Variants in NFIA observed in about 807,000 individuals in gnomAD.
NFIA encodes nuclear factor 1 A-type.
A neutral mutation model predicts 62.8 loss-of-function variants in NFIA; 8 were observed. The ratio of observed to expected loss-of-function variants is 0.13; its 90% CI spans 0.07 to 0.23. The LOEUF (loss-of-function observed/expected upper bound fraction) is 0.23, where lower values mean the gene tolerates loss of function less well. NFIA is among the 10% of genes least tolerant of loss of function. The pLI is 1.00. For missense variants in NFIA, 410 were observed against 642.1 expected, an observed-to-expected ratio of 0.64 and a Z score of 3.91; for synonymous variants, 235 against 238.1, an observed-to-expected ratio of 0.99 and a Z score of 0.12.
At chr1:61,225,060 G>A (rs1654242948) in intron 2 of NFIA, among the ~76,000 whole-genome samples, 4 of 151,828 alleles carry the variant, frequency 2.6e-5, no homozygotes, top group Non-Finnish European at 4.4e-5. Flanking sequence ...TCATGACATA[G>A]GAATCTATTG....
chr1:61,309,672 C>T (rs1659990387), intron 3 of NFIA, among the ~76,000 whole-genome samples: 1 of 152,110 alleles, frequency 6.6e-6, no homozygotes, highest in Non-Finnish European at 1.5e-5. Flanking sequence ...GGGTGGATCA[C>T]GAGGTCAGAA....
Position 61,462,010 on chromosome 1 carries a change from G to T in NFIA, c.*6690G>T, listed in dbSNP as rs1668549531. On this transcript the variant is annotated 3_prime_UTR_variant, in exon 11 of 11. Transcript: ENST00000403491. ...TTTATTTTTTGATAATAGTCTGTAA[G>T]TTAGCCTTTTTGGGTTTTTTTTTTT... 3.6e-5 allele frequency: 4 copies of T among 110,028 alleles called. No homozygotes were observed. Among genetic ancestry groups the T allele is most frequent in the African/African-American group, 7.5e-5 (2 of 26,710 alleles). 6.8% of individuals were successfully genotyped at this position (110,028 alleles called of 1,614,324 possible).
intron 10 of NFIA, among the ~76,000 whole-genome samples, chr1:61,439,807 A>G (rs1557440571): frequency 6.6e-6 from 1 of 152,244 alleles, no homozygotes; most frequent in Non-Finnish European, 1.5e-5. Context: ...CAAGTGAAAA[A>G]TAGACTTAGT....
chr1:61,392,923 G>A (rs56082016), intron 7 of NFIA, among the ~76,000 whole-genome samples: 2,597 of 152,144 alleles, frequency 0.017, 71 homozygotes, highest in African/African-American at 0.06. Context: ...TCAGTCACAC[G>A]CAGGCCTATG....
chr1:61,195,686 T>A (rs1651941563), intron 2 of NFIA, among the ~76,000 whole-genome samples: 1 of 152,328 alleles, frequency 6.6e-6, no homozygotes, highest in Admixed American at 6.5e-5. Context: ...GGGATACTTA[T>A]TTTTTGTAAA....
intron 10 of NFIA, among the ~76,000 whole-genome samples, chr1:61,447,951 C>A (rs894656511): frequency 1.3e-5 from 2 of 152,160 alleles, no homozygotes; most frequent in African/African-American, 4.8e-5. Flanking sequence ...GCATAAAATA[C>A]TCTTTAAGCT....
At chr1:61,382,888 G>A (rs1664488893) in intron 6 of NFIA, among the ~76,000 whole-genome samples, 1 of 152,128 alleles carries the variant, frequency 6.6e-6, no homozygotes, top group Non-Finnish European at 1.5e-5. Flanking sequence ...GTCTTCATAA[G>A]CATACATGGT....
intron 3 of NFIA, among the ~76,000 whole-genome samples, chr1:61,320,731 C>T (rs1660638884): frequency 6.6e-6 from 1 of 152,074 alleles, no homozygotes; most frequent in African/African-American, 2.4e-5. Context: ...TGTAAATGGT[C>T]TGTCTCACAG....
chr1:61,454,408 A>G (rs1361151661), intron 10 of NFIA, among the ~76,000 whole-genome samples: 1 of 152,318 alleles, frequency 6.6e-6, no homozygotes, highest in South Asian at 2.1e-4. Flanking sequence ...GCTCAAAGCT[A>G]ACCACCTAAG....
At position 61,457,582 on chromosome 1, in the gene NFIA, A is replaced by C. The variant is rs1278231826; in HGVS notation, c.*2262A>C. The C allele has an allele frequency of 6.6e-6, 1 of 152,218 alleles. No individual in the cohort carries two copies. Among genetic ancestry groups the C allele is most frequent in the Non-Finnish European group, 1.5e-5 (1 of 68,030 alleles). The allele number at this position is 152,218 out of a possible 1,614,324, so 9.4% of individuals were successfully genotyped here. ...TTCCCCCAGATATATGAAAATATGC[A>C]ATACCTGCTTATATCATGTAGAAAA... is the stretch of plus-strand genomic sequence containing the variant. On this transcript the variant is annotated 3_prime_UTR_variant, in exon 11 of 11. Coordinates refer to ENST00000403491, the MANE Select transcript of NFIA (RefSeq NM_001134673.4). The surrounding 1 kb of genome is among the most constrained non-coding windows in gnomAD (Gnocchi z 4.2).
At chr1:61,377,382 C>T (rs1480613773) in intron 6 of NFIA, among the ~76,000 whole-genome samples, 1 of 152,146 alleles carries the variant, frequency 6.6e-6, no homozygotes, top group Non-Finnish European at 1.5e-5. Context: ...TGCCTCCTGC[C>T]TCTCTTGAGG....
chr1:61,368,314 G>A (rs1663704265), intron 6 of NFIA, among the ~76,000 whole-genome samples: 1 of 152,176 alleles, frequency 6.6e-6, no homozygotes, highest in Non-Finnish European at 1.5e-5. Flanking sequence ...AACTCATGGT[G>A]TGGCTTGGGT....
At chr1:61,337,809 C>G (rs1661693630) in intron 4 of NFIA, among the ~76,000 whole-genome samples, 1 of 152,184 alleles carries the variant, frequency 6.6e-6, no homozygotes, top group Admixed American at 6.5e-5. Context: ...AGCACCCACT[C>G]TTTTGTTTAT....
chr1:61,077,669 GAT>G, upstream of NFIA: 1 of 1,372,476 alleles, frequency 7.3e-7, no homozygotes, highest in Non-Finnish European at 9.6e-7. Flanking sequence ...GCATTTATAT[GAT>G]ATGCGTTTTA....
intron 4 of NFIA, among the ~76,000 whole-genome samples, chr1:61,346,304 A>G (rs1397724541): frequency 6.6e-6 from 1 of 152,198 alleles, no homozygotes; most frequent in Non-Finnish European, 1.5e-5. Flanking sequence ...TTTTTATAGC[A>G]CACCAGAAGG....
intron 2 of NFIA, among the ~76,000 whole-genome samples, chr1:61,173,882 GT>G (rs1231008554): frequency 6.6e-5 from 10 of 152,210 alleles, no homozygotes; most frequent in Admixed American, 2.0e-4. Context: ...TGGGGTGAGG[GT>G]GGTACCTAAG....
intron 2 of NFIA, among the ~76,000 whole-genome samples, chr1:61,265,554 A>G (rs749020318): frequency 6.6e-6 from 1 of 152,178 alleles, no homozygotes; most frequent in African/African-American, 2.4e-5. Flanking sequence ...TTAACTCCCT[A>G]TATTCATGTG....
intron 2 of NFIA, among the ~76,000 whole-genome samples, chr1:61,236,278 C>G (rs1254118852): frequency 6.6e-6 from 1 of 152,102 alleles, no homozygotes; most frequent in Non-Finnish European, 1.5e-5. Flanking sequence ...TGAGAGAGTT[C>G]TTTAGCTAAA....
intron 2 of NFIA, among the ~76,000 whole-genome samples, chr1:61,210,347 A>AC (rs1327606198): frequency 6.6e-6 from 1 of 152,188 alleles, no homozygotes; most frequent in East Asian, 1.9e-4. Flanking sequence ...TTTTCAGAAA[A>AC]ATTAAAAAAA....
Sources: allele counts gnomAD v4.1 joint callset (sites outside exome capture counted in the v4.1 genomes callset), GRCh38; gene constraint gnomAD v4.1.1; non-coding constraint Gnocchi (gnomAD v3.1); transcripts MANE v1.5; gene names NCBI Gene and HGNC (gene_info 2026-07-23, HGNC 2026-07-21).